INPP4B: variants seen among roughly 807,000 people sequenced by gnomAD.
The protein encoded by INPP4B is inositol polyphosphate 4-phosphatase type II.
INPP4B carries 55 observed loss-of-function variants against 122.5 expected under a neutral mutation model. That is an observed-to-expected ratio of 0.45 (90% confidence interval 0.36 to 0.56). INPP4B has a LOEUF of 0.56. Among genes scored for constraint, INPP4B ranks in the 20% least tolerant of loss-of-function variants. INPP4B has a pLI of 0.00. For missense variants in INPP4B, 1,000 were observed against 1,097.7 expected (o/e 0.91, Z 1.26); for synonymous variants, 403 against 388.7 (o/e 1.04, Z -0.43).
intron 23 of INPP4B, among the ~76,000 whole-genome samples, chr4:142,095,761 T>C (rs1781537034): frequency 6.6e-6 from 1 of 152,182 alleles, no homozygotes; most frequent in African/African-American, 2.4e-5. Context: ...TGGATAGGGA[T>C]GAAATTTGGT....
At chr4:142,055,451 G>A (rs1343261260) in intron 25 of INPP4B, among the ~76,000 whole-genome samples, 1 of 151,984 alleles carries the variant, frequency 6.6e-6, no homozygotes, top group African/African-American at 2.4e-5. Flanking sequence ...TTGTCAAATA[G>A]GGAAGTTTTT....
intron 12 of INPP4B, among the ~76,000 whole-genome samples, chr4:142,218,096 CACTA>C (rs760377137): frequency 6.6e-4 from 100 of 152,140 alleles, no homozygotes; most frequent in Admixed American, 4.6e-3. Flanking sequence ...CTGACCCATA[CACTA>C]ACTATGCTGG....
At chr4:142,039,681 C>T (rs1198440366) in intron 25 of INPP4B, among the ~76,000 whole-genome samples, 4 of 151,314 alleles carry the variant, frequency 2.6e-5, no homozygotes, top group African/African-American at 9.7e-5. Context: ...TAACTGATTC[C>T]AGTTTTGATC....
At chr4:142,046,997 AT>A (rs1418445855) in intron 25 of INPP4B, among the ~76,000 whole-genome samples, 1 of 152,012 alleles carries the variant, frequency 6.6e-6, no homozygotes, top group Admixed American at 6.6e-5. Flanking sequence ...TCTCAGATAC[AT>A]TTTTTTCCTT....
intron 2 of INPP4B, among the ~76,000 whole-genome samples, chr4:142,473,772 A>G (rs1263292613): frequency 1.3e-5 from 2 of 152,092 alleles, no homozygotes; most frequent in African/African-American, 4.8e-5. Context: ...TGGTGACTCC[A>G]TGACCCCCAC....
At chr4:142,259,417 T>C (rs997542750) in intron 11 of INPP4B, among the ~76,000 whole-genome samples, 1 of 147,162 alleles carries the variant, frequency 6.8e-6, no homozygotes, top group Non-Finnish European at 1.5e-5. Flanking sequence ...ACAAGAGGGG[T>C]AGAAGAGATG....
At chr4:142,352,986 T>A (rs1579822632) in intron 7 of INPP4B, among the ~76,000 whole-genome samples, 1 of 151,974 alleles carries the variant, frequency 6.6e-6, no homozygotes, top group Non-Finnish European at 1.5e-5. Flanking sequence ...ACTAAACTCC[T>A]GTCACTTGAC....
At position 142,123,324 on chromosome 4, in the gene INPP4B, A is replaced by G. The variant is rs1284477520; in HGVS notation, c.1985T>C (p.Ile662Thr). 1 of 1,612,950 alleles carries G rather than the reference A, an allele frequency of 6.2e-7. No individual in the cohort carries two copies. Among genetic ancestry groups the G allele is most frequent in the Non-Finnish European group, 8.5e-7 (1 of 1,179,168 alleles). ...ACTTAGCAGTCCTTCATATTGTACTATCAACCCCACTGTGTGAAGCTGCTG... is the reference window on the plus strand; with the variant it reads ...ACTTAGCAGTCCTTCATATTGTACTGTCAACCCCACTGTGTGAAGCTGCTG... Reference protein sequence around the residue: ...FLQQLHTVGLIVQYEGLLSTY... With the variant: ...FLQQLHTVGLTVQYEGLLSTY... Residue 662 changes from isoleucine to threonine, a missense_variant, in exon 20 of 26, where the codon ATA becomes ACA. Physicochemically the swap from Ile to Thr is moderately conservative, Grantham distance 89. Coordinates refer to ENST00000262992, the MANE Select transcript of INPP4B (RefSeq NM_001101669.3).
intron 2 of INPP4B, among the ~76,000 whole-genome samples, chr4:142,586,128 G>C: frequency 6.6e-6 from 1 of 151,942 alleles, no homozygotes; most frequent in East Asian, 1.9e-4. Context: ...TGGGCAACAA[G>C]ACAAAATGCT....
At chr4:142,646,854 T>C (rs1269286205) in intron 2 of INPP4B, among the ~76,000 whole-genome samples, 3 of 152,084 alleles carry the variant, frequency 2.0e-5, no homozygotes, top group South Asian at 4.1e-4. Flanking sequence ...GTTTGGACCA[T>C]ACAAAACTAA....
At chr4:142,374,330 C>A (rs1195967987) in intron 7 of INPP4B, among the ~76,000 whole-genome samples, 2 of 151,882 alleles carry the variant, frequency 1.3e-5, no homozygotes, top group Non-Finnish European at 2.9e-5. Flanking sequence ...AGCAAAGATG[C>A]ATTTTGTATG....
chr4:142,463,487 G>A (rs1260342477), intron 2 of INPP4B, among the ~76,000 whole-genome samples: 1 of 152,124 alleles, frequency 6.6e-6, no homozygotes, highest in Non-Finnish European at 1.5e-5. Context: ...CCTAAACTTT[G>A]CACCATGAAC....
At chr4:142,171,385 A>G (rs1478492882) in intron 16 of INPP4B, among the ~76,000 whole-genome samples, 1 of 151,906 alleles carries the variant, frequency 6.6e-6, no homozygotes, top group Non-Finnish European at 1.5e-5. Flanking sequence ...CAAGTTCAGA[A>G]TCAGTAAAGG....
intron 2 of INPP4B, among the ~76,000 whole-genome samples, chr4:142,695,661 G>A (rs1760924719): frequency 6.6e-6 from 1 of 152,106 alleles, no homozygotes; most frequent in South Asian, 2.1e-4. Flanking sequence ...TCAAAGGCAG[G>A]AACCTACCCA....
rs753526745 is a variant in INPP4B at position 142,123,366 on chromosome 4, T to C, written c.1943A>G (p.Tyr648Cys). ...GFIIKLQTSL[Y>C]DPGFLQQLHT... ...AAGCTGCTGTAGGAAGCCTGGGTCATACAGACTTGTCTGTAATTTGATGAT... is the reference window on the plus strand; with the variant it reads ...AAGCTGCTGTAGGAAGCCTGGGTCACACAGACTTGTCTGTAATTTGATGAT... Residue 648 changes from tyrosine to cysteine, a missense_variant, in exon 20 of 26, where the codon TAT (tyrosine) becomes TGT (cysteine). Physicochemically the swap from Tyr to Cys is radical, Grantham distance 194. Transcript: ENST00000262992. The C allele has an allele frequency of 1.9e-6, 3 of 1,612,864 alleles. No homozygotes were observed. Among genetic ancestry groups the C allele is most frequent in the African/African-American group, 1.3e-5 (1 of 74,858 alleles).
At chr4:142,526,814 T>C (rs1170017224) in intron 2 of INPP4B, among the ~76,000 whole-genome samples, 3 of 151,608 alleles carry the variant, frequency 2.0e-5, no homozygotes. Flanking sequence ...CTATAAAATA[T>C]ATGATGTCAT....
Position 142,028,581 on chromosome 4 carries a change from T to C in INPP4B, c.*201A>G. 5.2e-6 allele frequency: 3 copies of C among 571,638 alleles called. No homozygotes were observed. The South Asian group carries it at 7.1e-5, about 14-fold the overall frequency. 35.4% of individuals were successfully genotyped at this position (571,638 alleles called of 1,614,324 possible). On this transcript the variant is annotated 3_prime_UTR_variant, in exon 26 of 26. Coordinates refer to ENST00000262992, the MANE Select transcript of INPP4B (RefSeq NM_001101669.3). ...TAGAACTAGAAATGACAGTACTGAA[T>C]CATGTAAGATTTTTTAAAATGGATT...
intron 1 of INPP4B, among the ~76,000 whole-genome samples, chr4:142,772,318 G>C (rs77923987): frequency 1.3e-3 from 191 of 152,252 alleles, no homozygotes; most frequent in African/African-American, 4.5e-3. Flanking sequence ...GTGTGGAGGC[G>C]TGTGTCTCTG....
chr4:142,268,674 G>T (rs1009620053), intron 10 of INPP4B, among the ~76,000 whole-genome samples: 6 of 152,124 alleles, frequency 3.9e-5, no homozygotes, highest in African/African-American at 1.4e-4. Context: ...ATTCAGCTTT[G>T]AAAAGGGGGA....
Sources: allele counts gnomAD v4.1 joint callset (sites outside exome capture counted in the v4.1 genomes callset), GRCh38; gene constraint gnomAD v4.1.1; transcripts MANE v1.5; gene names NCBI Gene and HGNC (gene_info 2026-07-23, HGNC 2026-07-21).